ZDHHC14: variants seen among roughly 807,000 people sequenced by gnomAD.
ZDHHC14 encodes zDHHC palmitoyltransferase 14, also known as palmitoyltransferase ZDHHC14.
In ZDHHC14, 16 loss-of-function variants were observed where a neutral mutation model predicts 47.7. The observed-to-expected ratio is 0.34, with a 90% CI of 0.23 to 0.51. ZDHHC14 has a LOEUF of 0.51. Ranked by LOEUF, ZDHHC14 falls within the 20% of genes least tolerant of loss-of-function variation. The pLI is 0.97. For synonymous variants in ZDHHC14, 293 were observed against 278.9 expected (o/e 1.05, Z -0.50); for missense variants, 515 against 662.5 (o/e 0.78, Z 2.44).
At position 157,472,799 on chromosome 6, in the gene ZDHHC14, G is replaced by A. The variant is rs376446814; in HGVS notation, c.246-69786G>A. 9.2e-5 allele frequency among the ~76,000 whole-genome samples: 14 copies of A among 152,276 alleles called. 1 individual carries two copies. The South Asian group carries it at 2.5e-3, about 27-fold the overall frequency. On this transcript the variant is annotated intron_variant, in intron 1 of 8. Transcript: ENST00000359775. ...GATACAAAGGGCAGCTTTGCTCTTA[G>A]GAACTTAGGAAATTTTCCAGCATTT...
At chr6:157,474,484 T>A (rs1779430221) in intron 1 of ZDHHC14, among the ~76,000 whole-genome samples, 2 of 152,158 alleles carry the variant, frequency 1.3e-5, no homozygotes. Flanking sequence ...TTTTGAGGAA[T>A]CTTCATACTG....
At chr6:157,458,846 T>G (rs1778990010) in intron 1 of ZDHHC14, among the ~76,000 whole-genome samples, 2 of 124,416 alleles carry the variant, frequency 1.6e-5, no homozygotes, top group East Asian at 2.4e-4. Flanking sequence ...CAAATGTGGG[T>G]GGATTTTTTT....
At chr6:157,450,055 C>A (rs1320948331) in intron 1 of ZDHHC14, among the ~76,000 whole-genome samples, 1 of 152,016 alleles carries the variant, frequency 6.6e-6, no homozygotes, top group Non-Finnish European at 1.5e-5. Context: ...TCCGCTATAT[C>A]ATAAGAGATT....
intron 1 of ZDHHC14, among the ~76,000 whole-genome samples, chr6:157,537,892 A>T (rs1250327008): frequency 1.3e-5 from 2 of 152,198 alleles, no homozygotes; most frequent in African/African-American, 4.8e-5. Flanking sequence ...GTCAACTGGG[A>T]TGTCCCATTA....
intron 5 of ZDHHC14, among the ~76,000 whole-genome samples, chr6:157,639,666 C>T (rs1011018547): frequency 2.6e-5 from 4 of 152,130 alleles, no homozygotes; most frequent in Admixed American, 2.6e-4. Flanking sequence ...GGAAAGGCCC[C>T]CACGGGGGAA....
chr6:157,542,564 G>C (rs201701458), intron 1 of ZDHHC14, 21 bp from the exon 2 acceptor site: 2 of 1,610,370 alleles, frequency 1.2e-6, no homozygotes, highest in Non-Finnish European at 8.5e-7. Flanking sequence ...CTTCTCTCCG[G>C]TCTGTCCAAC....
At chr6:157,650,630 T>G (rs1777786681) in intron 7 of ZDHHC14, among the ~76,000 whole-genome samples, 1 of 150,022 alleles carries the variant, frequency 6.7e-6, no homozygotes, top group Non-Finnish European at 1.5e-5. Flanking sequence ...GCCCCTTAAT[T>G]TCTCTTGTCA....
At chr6:157,659,950 C>G (rs977042971) in intron 8 of ZDHHC14, among the ~76,000 whole-genome samples, 2 of 152,168 alleles carry the variant, frequency 1.3e-5, no homozygotes, top group African/African-American at 4.8e-5. Context: ...TTTATTTGCT[C>G]TAGAACCATG....
chr6:157,671,794 A>G (rs182407252), intron 8 of ZDHHC14, among the ~76,000 whole-genome samples: 3 of 152,334 alleles, frequency 2.0e-5, no homozygotes, highest in Admixed American at 6.5e-5. Flanking sequence ...GAAATTTAGC[A>G]GTGGGGAATT....
At chr6:157,382,762 G>C (rs1777240638) in intron 1 of ZDHHC14, among the ~76,000 whole-genome samples, 1 of 152,212 alleles carries the variant, frequency 6.6e-6, no homozygotes, top group African/African-American at 2.4e-5. Flanking sequence ...ACGAATAATT[G>C]AGGAATCTTG....
At chr6:157,647,414 CG>C (rs1777612979) in intron 7 of ZDHHC14, 46 bp downstream of exon 7, 1 of 1,504,538 alleles carries the variant, frequency 6.6e-7, no homozygotes, top group African/African-American at 1.4e-5. Flanking sequence ...CTTGGAAAAC[CG>C]AATGCCTCGG....
intron 1 of ZDHHC14, among the ~76,000 whole-genome samples, chr6:157,512,222 G>C (rs112425096): frequency 1.3e-5 from 2 of 152,290 alleles, no homozygotes; most frequent in African/African-American, 4.8e-5. Context: ...TAAGTGTGGA[G>C]CCGGGATTTG....
At chr6:157,604,741 AC>A (rs1784469652) in intron 3 of ZDHHC14, among the ~76,000 whole-genome samples, 1 of 152,070 alleles carries the variant, frequency 6.6e-6, no homozygotes, top group South Asian at 2.1e-4. Context: ...ACGGTGTTTC[AC>A]CATATTGGTC....
chr6:157,411,152 T>C (rs1001783824), intron 1 of ZDHHC14, among the ~76,000 whole-genome samples: 7 of 152,166 alleles, frequency 4.6e-5, no homozygotes, highest in Admixed American at 1.3e-4. Flanking sequence ...ATCCTAGGGC[T>C]TAGGGTGAGG....
At chr6:157,428,907 C>T (rs769887548) in intron 1 of ZDHHC14, among the ~76,000 whole-genome samples, 2 of 152,178 alleles carry the variant, frequency 1.3e-5, no homozygotes, top group Non-Finnish European at 2.9e-5. Flanking sequence ...ACATTTATAG[C>T]CATGTACCTG....
chr6:157,643,650 A>AATTATATAT (rs1554277300), intron 5 of ZDHHC14, among the ~76,000 whole-genome samples: 1 of 72,522 alleles, frequency 1.4e-5, no homozygotes, highest in Non-Finnish European at 3.0e-5. Flanking sequence ...CTTCATCTCA[A>AATTATATAT]ATATATATAT....
intron 1 of ZDHHC14, among the ~76,000 whole-genome samples, chr6:157,441,437 G>T (rs1472724528): frequency 1.3e-5 from 2 of 152,216 alleles, no homozygotes; most frequent in Admixed American, 1.3e-4. Context: ...TGGCAGATGT[G>T]TTGTGTGGGA....
At chr6:157,523,422 G>A (rs1781032180) in intron 1 of ZDHHC14, among the ~76,000 whole-genome samples, 2 of 152,048 alleles carry the variant, frequency 1.3e-5, no homozygotes, top group African/African-American at 4.8e-5. Context: ...CCTCTTGAGG[G>A]TTCTAATGGG....
intron 2 of ZDHHC14, among the ~76,000 whole-genome samples, chr6:157,564,843 G>A (rs752302190): frequency 6.6e-6 from 1 of 152,180 alleles, no homozygotes; most frequent in Non-Finnish European, 1.5e-5. Flanking sequence ...GGCCTCTGAC[G>A]GCTGCTCTGG....
Sources: allele counts gnomAD v4.1 joint callset (sites outside exome capture counted in the v4.1 genomes callset), GRCh38; gene constraint gnomAD v4.1.1; transcripts MANE v1.5; gene names NCBI Gene and HGNC (gene_info 2026-07-23, HGNC 2026-07-21).